The following BROX variants were observed in gnomAD, a reference collection of about 807,000 sequenced individuals.
BROX encodes BRO1 domain and CAAX motif containing.
Under a neutral mutation model 61.0 loss-of-function variants are expected in BROX, and 53 were observed. The ratio of observed to expected loss-of-function variants is 0.87; its 90% CI spans 0.70 to 1.09. The LOEUF (loss-of-function observed/expected upper bound fraction) is 1.09, where lower values mean the gene tolerates loss of function less well. Ranked by LOEUF, BROX falls within the 50% of genes least tolerant of loss-of-function variation. The pLI is 0.00. For missense variants in BROX, 489 were observed against 472.0 expected (o/e 1.04, Z -0.33); for synonymous variants, 152 against 160.2 (o/e 0.95, Z 0.38).
At chr1:222,719,722 G>A (rs1207660556) in intron 4 of BROX, among the ~76,000 whole-genome samples, 5 of 152,132 alleles carry the variant, frequency 3.3e-5, no homozygotes, top group Admixed American at 2.6e-4. Context: ...TTCTTTTGCT[G>A]ATGGATACTT....
intron 2 of BROX, among the ~76,000 whole-genome samples, chr1:222,716,214 T>A (rs555962718): frequency 5.9e-5 from 9 of 152,192 alleles, no homozygotes; most frequent in Non-Finnish European, 1.3e-4. Flanking sequence ...TTCTTTTGCC[T>A]CAGCCTCCCG....
rs1199301916 is a variant in BROX, at chr1:222,722,528, A to G, written c.401+14A>G. On this transcript the variant is annotated intron_variant, in intron 5 of 12. Coordinates refer to ENST00000340934, the MANE Select transcript of BROX (RefSeq NM_144695.4). ...TGGAAAAGAAAAGTAAGTTAATAGG[A>G]GAGGATTGTGTACATCTGTGTTATT... 6.5e-7 allele frequency: 1 copy of G among 1,548,644 alleles called. No individual in the cohort carries two copies. The highest frequency in any genetic ancestry group is 1.7e-5 in the Admixed American group (1 of 59,770).
At chr1:222,717,668 C>T (rs1362089379) in intron 2 of BROX, among the ~76,000 whole-genome samples, 1 of 152,208 alleles carries the variant, frequency 6.6e-6, no homozygotes. Context: ...TACATACATA[C>T]TTTCTTGGAA....
In BROX at chr1:222,733,656, C is replaced by T. The variant is rs1658111813; in HGVS notation, c.*942C>T. 1 of 152,174 alleles carries T rather than the reference C, an allele frequency of 6.6e-6. No homozygotes were observed. Among genetic ancestry groups the T allele is most frequent in the South Asian group, 2.1e-4 (1 of 4,832 alleles). The allele number at this position is 152,174 out of a possible 1,614,324, so 9.4% of individuals were successfully genotyped here. A position where few individuals can be genotyped will look rare whatever the true frequency, so the allele number is the denominator to read the frequency against. On this transcript the variant is annotated 3_prime_UTR_variant, in exon 13 of 13. Transcript: ENST00000340934. ...AAATCAGCTTTTATAGGTATGTTGG[C>T]ACCTTATCCAAGAACTTATCCCTGT...
intron 6 of BROX, among the ~76,000 whole-genome samples, chr1:222,725,198 A>T (rs985712836): frequency 1.3e-5 from 2 of 152,232 alleles, no homozygotes; most frequent in Non-Finnish European, 2.9e-5. Context: ...TGACTTGCGT[A>T]TCTCAGCAGT....
intron 12 of BROX, 111 bp downstream of exon 12, chr1:222,731,627 TAA>T (rs1657949075): frequency 2.6e-6 from 3 of 1,173,838 alleles, no homozygotes; most frequent in Non-Finnish European, 3.6e-6. Context: ...GTCTAAATGT[TAA>T]GTTAGCTAGT....
chr1:222,722,959 G>C (rs756325175), intron 5 of BROX, among the ~76,000 whole-genome samples: 1 of 152,114 alleles, frequency 6.6e-6, no homozygotes, highest in Non-Finnish European at 1.5e-5. Flanking sequence ...AAGTACAGAA[G>C]GCTAGCAGTA....
chr1:222,727,874 G>A (rs1374871003), intron 8 of BROX, among the ~76,000 whole-genome samples: 1 of 152,192 alleles, frequency 6.6e-6, no homozygotes. Context: ...ATTGTGAAGT[G>A]TAAATAAAAG....
Position 222,728,640 on chromosome 1 carries a change from T to G in BROX, c.671-103T>G. 4 of 651,756 alleles carry G rather than the reference T, an allele frequency of 6.1e-6. 1 individual carries two copies. In the South Asian group the frequency reaches 1.2e-4, roughly 19 times the overall value. 40.4% of individuals were successfully genotyped at this position (651,756 alleles called of 1,614,324 possible). ...AAAATTAAATTCTTGAGTTTTAGACTTGAATGGCATTCTTTCTGCTTTTAT... is the reference window on the plus strand; with the variant it reads ...AAAATTAAATTCTTGAGTTTTAGACGTGAATGGCATTCTTTCTGCTTTTAT... On this transcript the variant is annotated intron_variant, in intron 8 of 12. Transcript: ENST00000340934.
At chr1:222,715,572 T>C in intron 1 of BROX, 112 bp from the exon 2 acceptor site, 1 of 460,666 alleles carries the variant, frequency 2.2e-6, no homozygotes, top group Non-Finnish European at 3.6e-6. Flanking sequence ...TTAGCCAGGC[T>C]AATTTTCGAA....
rs1658154293 is a variant in BROX, at chr1:222,734,419, T to A, written c.*1705T>A. On this transcript the variant is annotated 3_prime_UTR_variant, in exon 13 of 13. Transcript: ENST00000340934. ...ATGCCTATCTGAATCAATATTGCAT[T>A]CAAATAAGTGATTACTTAAATCATA... 1 of 152,088 alleles carries A rather than the reference T, an allele frequency of 6.6e-6. No homozygotes were observed. Among genetic ancestry groups the A allele is most frequent in the Non-Finnish European group, 1.5e-5 (1 of 67,968 alleles). 9.4% of individuals were successfully genotyped at this position (152,088 alleles called of 1,614,324 possible).
Position 222,734,637 on chromosome 1 carries a change from C to G in BROX, c.*1923C>G, listed in dbSNP as rs1658169750. 6.6e-6 allele frequency: 1 copy of G among 152,102 alleles called. No individual in the cohort carries two copies. The highest frequency in any genetic ancestry group is 2.4e-5 in the African/African-American group (1 of 41,434). The allele number at this position is 152,102 out of a possible 1,614,324, so 9.4% of individuals were successfully genotyped here. ...TCTATGGAAAAAACACTTATTAAAT[C>G]TCCCTGTATTTTATGTTGTCTTTAT... On this transcript the variant is annotated 3_prime_UTR_variant, in exon 13 of 13. Transcript: ENST00000340934.
chr1:222,713,270 A>C, intron 1 of BROX: 1 of 985,996 alleles, frequency 1.0e-6, no homozygotes, highest in Non-Finnish European at 1.2e-6. Context: ...GGCTTTCCAC[A>C]AAAATGCCTG....
chr1:222,712,753 G>A lies in BROX; in HGVS notation c.-206G>A. 2 of 1,289,958 alleles carry A rather than the reference G, an allele frequency of 1.6e-6. No individual in the cohort carries two copies. The highest frequency in any genetic ancestry group is 2.3e-5 in the Admixed American group (1 of 43,574). The allele number at this position is 1,289,958 out of a possible 1,614,324, so 79.9% of individuals were successfully genotyped here. ...CCGCGGCAATACCCGCCCCTGAGCT[G>A]CGCGCACTACCGCCTCGGTAGCTAT... On this transcript the variant is annotated 5_prime_UTR_variant, in exon 1 of 13. Coordinates refer to ENST00000340934, the MANE Select transcript of BROX (RefSeq NM_144695.4).
In BROX at chr1:222,714,209, C is replaced by CTT. The variant is rs397864188; in HGVS notation, c.-17+1286_-17+1287dup. 2.4e-3 allele frequency among the ~76,000 whole-genome samples: 305 copies of CTT among 126,778 alleles called. 7 individuals are homozygous for CTT. Among genetic ancestry groups the CTT allele is most frequent in the African/African-American group, 5.2e-3 (163 of 31,256 alleles). The allele number at this position is 126,778 out of a possible 152,430, so 83.2% of individuals were successfully genotyped here. ...AAGGACATTTAGACAAGACATGCTG[C>CTT]TTTTTTTTTTTTTTTTTTTTGAGAC... On this transcript the variant is annotated intron_variant, in intron 1 of 12. Coordinates refer to ENST00000340934, the MANE Select transcript of BROX (RefSeq NM_144695.4).
chr1:222,724,719 T>C (rs1016816769), intron 6 of BROX, among the ~76,000 whole-genome samples: 1 of 152,208 alleles, frequency 6.6e-6, no homozygotes, highest in Admixed American at 6.5e-5. Flanking sequence ...CCAGTGTTGA[T>C]TTTTTTCATA....
At chr1:222,731,891 C>T (rs937009686) in intron 12 of BROX, among the ~76,000 whole-genome samples, 1 of 152,158 alleles carries the variant, frequency 6.6e-6, no homozygotes, top group Non-Finnish European at 1.5e-5. Context: ...TTTCAGTATT[C>T]TGTGAATCCA....
At position 222,718,991 on chromosome 1, in the gene BROX, G is replaced by A. The variant is rs767188717; in HGVS notation, c.168G>A (p.Met56Ile). 6.2e-7 allele frequency: 1 copy of A among 1,613,820 alleles called. No homozygotes were observed. Among genetic ancestry groups the A allele is most frequent in the Non-Finnish European group, 8.5e-7 (1 of 1,179,850 alleles). Residue 56 changes from methionine (M) to isoleucine (I), a missense_variant, in exon 3 of 13, where the codon ATG becomes ATA. Met to Ile is a conservative substitution (Grantham distance 10). Coordinates refer to ENST00000340934, the MANE Select transcript of BROX (RefSeq NM_144695.4). ...CTGATTTGAGCTGTAATCCAGAAAT[G>A]ATGAAGAATGCAGCAGATTCATATT... ...LFTDLSCNPE[M>I]MKNAADSYFS...
rs760790132 is a variant in BROX, at chr1:222,727,203, C to T, written c.616C>T (p.Pro206Ser). Residue 206 changes from proline (P) to serine (S), a missense_variant, in exon 8 of 13, where the codon CCT becomes TCT. Pro to Ser is a moderately conservative substitution (Grantham distance 74). Transcript: ENST00000340934. Reference protein sequence around the residue: ...IARAIELKHAPGLIAALAYET... With the variant: ...IARAIELKHASGLIAALAYET... ...TCGAGCAATTGAACTAAAACATGCT[C>T]CTGGACTAATTGCTGCACTGGCGTA... The T allele has an allele frequency of 1.2e-6, 2 of 1,613,648 alleles. 1 individual carries two copies. Among genetic ancestry groups the T allele is most frequent in the Middle Eastern group, 3.3e-4 (2 of 6,048 alleles).
Sources: gnomAD v4.1 joint callset for allele counts (sites outside exome capture counted in the v4.1 genomes callset) on GRCh38, gnomAD v4.1.1 for gene constraint, MANE v1.5 for transcripts, NCBI Gene and HGNC (gene_info 2026-07-23, HGNC 2026-07-21) for gene names.